Variants in TRAF3 observed in about 807,000 individuals in gnomAD.
The protein encoded by TRAF3 is TNF receptor-associated factor 3.
In TRAF3, 13 loss-of-function variants were observed where a neutral mutation model predicts 62.3. The ratio of observed to expected loss-of-function variants is 0.21; its 90% confidence interval spans 0.14 to 0.33. The LOEUF is 0.33. Among genes scored for constraint, TRAF3 ranks in the 10% least tolerant of loss-of-function variants. TRAF3 has a pLI of 1.00. For missense variants in TRAF3, 440 were observed against 741.8 expected (o/e 0.59, Z 4.73); for synonymous variants, 269 against 283.4 (o/e 0.95, Z 0.51).
At chr14:102,828,736 C>T (rs546945796) in intron 1 of TRAF3, among the ~76,000 whole-genome samples, 19 of 152,268 alleles carry the variant, frequency 1.2e-4, no homozygotes, top group South Asian at 1.2e-3. Context: ...ACCCTTTTGA[C>T]GTTTGAAGAC....
intron 5 of TRAF3, 62 bp downstream of exon 5, chr14:102,875,790 C>G (rs1888614830): frequency 7.1e-7 from 1 of 1,408,720 alleles, no homozygotes. Flanking sequence ...TTACATCCAG[C>G]TGATGAAGTG....
chr14:102,864,400 G>A lies in TRAF3; in HGVS notation c.-17-5785G>A, dbSNP rs555699936. Among the ~76,000 whole-genome samples, 223 of 151,938 alleles carry A rather than the reference G, an allele frequency of 1.5e-3. 2 individuals carry two copies. The highest frequency in any genetic ancestry group is 5.2e-3 in the African/African-American group (216 of 41,440). On this transcript the variant is annotated intron_variant, in intron 2 of 11. Coordinates refer to ENST00000392745, the MANE Select transcript of TRAF3 (RefSeq NM_145725.3). ...CCTGACCTCGTGATCTGCCCACCTC[G>A]GCCTCCCAAAGTGCTGGGATTACAG...
chr14:102,864,977 A>C (rs558024821), intron 2 of TRAF3, among the ~76,000 whole-genome samples: 1 of 151,712 alleles, frequency 6.6e-6, no homozygotes, highest in South Asian at 2.1e-4. Flanking sequence ...TAAATCTAAA[A>C]CTCTCCTTTG....
chr14:102,873,175 G>A (rs1888441770), intron 4 of TRAF3, among the ~76,000 whole-genome samples: 1 of 152,214 alleles, frequency 6.6e-6, no homozygotes, highest in Admixed American at 6.5e-5. Context: ...GGTGAGTGCA[G>A]TGATTTGAGG....
At chr14:102,885,573 A>G (rs1716059288) in intron 6 of TRAF3, among the ~76,000 whole-genome samples, 1 of 152,232 alleles carries the variant, frequency 6.6e-6, no homozygotes, top group Non-Finnish European at 1.5e-5. Context: ...GCCTTAGCAA[A>G]GGTGAAGTTT....
intron 2 of TRAF3, among the ~76,000 whole-genome samples, chr14:102,839,093 T>C (rs1886205544): frequency 6.6e-6 from 1 of 151,842 alleles, no homozygotes; most frequent in African/African-American, 2.4e-5. Context: ...CCCAGTGCCC[T>C]CCTGGCATAT....
At chr14:102,796,630 G>A (rs955854608) in intron 1 of TRAF3, among the ~76,000 whole-genome samples, 1 of 152,154 alleles carries the variant, frequency 6.6e-6, no homozygotes, top group Non-Finnish European at 1.5e-5. Flanking sequence ...GAGAGCAGGG[G>A]AAAAACACAG....
rs1334350934 is a variant in TRAF3 at position 102,903,777 on chromosome 14, C to T, written c.1135+348C>T. ...ATGGCAGAGGCCAGGACCTGCTGGT[C>T]GGGGCGCCCCAGACCCCACTCCTAA... On this transcript the variant is annotated intron_variant, in intron 11 of 11. Transcript: ENST00000392745. This position sits in a 1 kb window ranked among gnomAD's most constrained non-coding sequence, Gnocchi z 6.4. 1.8e-5 allele frequency: 9 copies of T among 493,570 alleles called. 1 individual carries two copies. The highest frequency in any genetic ancestry group is 3.0e-4 in the Middle Eastern group (1 of 3,310). 30.6% of individuals were successfully genotyped at this position (493,570 alleles called of 1,614,324 possible).
chr14:102,786,114 G>A (rs536274129), intron 1 of TRAF3, among the ~76,000 whole-genome samples: 16 of 152,294 alleles, frequency 1.1e-4, no homozygotes, highest in African/African-American at 3.8e-4. Flanking sequence ...GAAGGAATTA[G>A]ACCTGCTTTG....
intron 1 of TRAF3, among the ~76,000 whole-genome samples, chr14:102,798,671 C>G (rs2139447099): frequency 6.6e-6 from 1 of 152,162 alleles, no homozygotes; most frequent in South Asian, 2.1e-4. Flanking sequence ...GAGATGGGGC[C>G]TCTATGTTGC....
At position 102,910,248 on chromosome 14, in the gene TRAF3, T is replaced by C. The variant is rs934708768; in HGVS notation, c.*4464T>C. 2 of 152,176 alleles carry C rather than the reference T, an allele frequency of 1.3e-5. No individual in the cohort carries two copies. The highest frequency in any genetic ancestry group is 6.5e-5 in the Admixed American group (1 of 15,282). The allele number at this position is 152,176 out of a possible 1,614,324, so 9.4% of individuals were successfully genotyped here. On this transcript the variant is annotated 3_prime_UTR_variant, in exon 12 of 12. Transcript: ENST00000392745. The stretch of plus-strand genomic sequence containing the variant: ...GAAGGGCTCTGGCAGAGCTGTAAAA[T>C]ACTGTTTTTTAAAAATTTTAGTCCA...
intron 1 of TRAF3, among the ~76,000 whole-genome samples, chr14:102,779,275 T>TC (rs1014325187): frequency 4.0e-5 from 1 of 25,272 alleles, no homozygotes; most frequent in Non-Finnish European, 1.3e-4. Context: ...CCAGCTTTTT[T>TC]TTTTTTTTTT....
At chr14:102,875,209 T>C in intron 4 of TRAF3, among the ~76,000 whole-genome samples, 1 of 152,186 alleles carries the variant, frequency 6.6e-6, no homozygotes, top group East Asian at 1.9e-4. Context: ...AGTTCTGCTC[T>C]TGTCCTCTGG....
intron 2 of TRAF3, among the ~76,000 whole-genome samples, chr14:102,838,088 C>A (rs7143963): frequency 6.6e-6 from 1 of 152,044 alleles, no homozygotes; most frequent in Non-Finnish European, 1.5e-5. Flanking sequence ...CGAGGTAGAC[C>A]GCTGTGCCGC....
chr14:102,859,881 A>G (rs746481629), intron 2 of TRAF3, among the ~76,000 whole-genome samples: 23 of 152,228 alleles, frequency 1.5e-4, no homozygotes, highest in African/African-American at 3.1e-4. Flanking sequence ...TGCAGTTTCT[A>G]TGGCCTAATA....
intron 6 of TRAF3, among the ~76,000 whole-genome samples, chr14:102,881,363 G>A (rs1391660390): frequency 1.4e-5 from 2 of 146,664 alleles, no homozygotes; most frequent in Non-Finnish European, 3.0e-5. Flanking sequence ...CAGCCTGGGC[G>A]ACAGAGCAAG....
chr14:102,885,205 C>G (rs1464650215), intron 6 of TRAF3, among the ~76,000 whole-genome samples: 1 of 152,216 alleles, frequency 6.6e-6, no homozygotes, highest in Non-Finnish European at 1.5e-5. Context: ...GGACGAGCTT[C>G]CCTCGGGTGG....
chr14:102,779,327 G>A (rs2140041975), intron 1 of TRAF3, among the ~76,000 whole-genome samples: 1 of 145,808 alleles, frequency 6.9e-6, no homozygotes, highest in Non-Finnish European at 1.5e-5. Context: ...TCTCTGCGAG[G>A]GGAAAGAAGA....
intron 4 of TRAF3, 96 bp from the exon 5 acceptor site, chr14:102,875,527 TG>T: frequency 3.5e-6 from 3 of 859,182 alleles, no homozygotes; most frequent in Non-Finnish European, 5.2e-6. Context: ...GTTCCTCTCT[TG>T]TTTTTTTTTT....
Sources: gnomAD v4.1 joint callset for allele counts (sites outside exome capture counted in the v4.1 genomes callset) on GRCh38, gnomAD v4.1.1 for gene constraint, Gnocchi (gnomAD v3.1) non-coding constraint, MANE v1.5 for transcripts, NCBI Gene and HGNC (gene_info 2026-07-23, HGNC 2026-07-21) for gene names.